The following SPMIP2 variants were observed in gnomAD, a reference collection of about 807,000 sequenced individuals.
SPMIP2 encodes sperm microtubule inner protein 2, also known as protein SPMIP2.
chr4:158,917,710 C>G, the SPMIP2 span, among the ~76,000 whole-genome samples: 1 of 139,212 alleles, frequency 7.2e-6, no homozygotes, highest in East Asian at 2.2e-4. Flanking sequence ...CCTTTAATAG[C>G]ACTATTTGAC....
chr4:158,926,222 C>T, the SPMIP2 span, among the ~76,000 whole-genome samples: 1 of 151,408 alleles, frequency 6.6e-6, no homozygotes, highest in Non-Finnish European at 1.5e-5. Context: ...CTTACTTCCA[C>T]TTGCTTTGAA....
chr4:158,997,751 CA>C, the SPMIP2 span, among the ~76,000 whole-genome samples: 8 of 152,128 alleles, frequency 5.3e-5, no homozygotes, highest in African/African-American at 9.7e-5. Context: ...CTCCTGGGCC[CA>C]AATAATTCCC....
At chr4:158,977,919 T>G in the SPMIP2 span, among the ~76,000 whole-genome samples, 2 of 152,190 alleles carry the variant, frequency 1.3e-5, no homozygotes, top group Non-Finnish European at 2.9e-5. Flanking sequence ...GCCTATCTCC[T>G]TCAATTTTAC....
chr4:158,912,758 G>A, the SPMIP2 span, among the ~76,000 whole-genome samples: 2 of 152,176 alleles, frequency 1.3e-5, no homozygotes, highest in Non-Finnish European at 2.9e-5. Context: ...AAATGGATTT[G>A]TGGGACAAGT....
chr4:158,994,165 G>T, the SPMIP2 span, among the ~76,000 whole-genome samples: 2 of 152,176 alleles, frequency 1.3e-5, no homozygotes, highest in South Asian at 4.1e-4. Context: ...GAGAAGAGTT[G>T]TATCTTATTT....
chr4:158,985,687 G>T, the SPMIP2 span, among the ~76,000 whole-genome samples: 1 of 151,986 alleles, frequency 6.6e-6, no homozygotes, highest in Non-Finnish European at 1.5e-5. Flanking sequence ...ATACTGAATG[G>T]GCAAAAGCTG....
chr4:158,961,276 T>C, the SPMIP2 span, among the ~76,000 whole-genome samples: 1 of 152,122 alleles, frequency 6.6e-6, no homozygotes, highest in African/African-American at 2.4e-5. Context: ...TCCTTTTCCC[T>C]GAAGCTTCAG....
chr4:159,026,260 G>A, the SPMIP2 span: 1 of 545,704 alleles, frequency 1.8e-6, no homozygotes, highest in Non-Finnish European at 3.5e-6. Context: ...CATCATTTGT[G>A]ATGACAAAAA....
chr4:158,935,362 G>T, the SPMIP2 span, among the ~76,000 whole-genome samples: 2 of 152,142 alleles, frequency 1.3e-5, no homozygotes, highest in African/African-American at 4.8e-5. Flanking sequence ...GCAACACTGG[G>T]ACACAATGAT....
At chr4:158,941,060 A>G in the SPMIP2 span, among the ~76,000 whole-genome samples, 6 of 152,228 alleles carry the variant, frequency 3.9e-5, no homozygotes, top group Admixed American at 6.5e-5. Context: ...GTACTAGGAG[A>G]CATCACAGCT....
the SPMIP2 span, among the ~76,000 whole-genome samples, chr4:158,903,151 T>C: frequency 1.3e-5 from 2 of 152,194 alleles, no homozygotes; most frequent in African/African-American, 4.8e-5. Flanking sequence ...CTGTGGGTCA[T>C]GAAGACCATG....
At chr4:159,069,297 C>T in the SPMIP2 span, among the ~76,000 whole-genome samples, 4 of 152,200 alleles carry the variant, frequency 2.6e-5, no homozygotes, top group Admixed American at 2.0e-4. Flanking sequence ...AGTGAGACTC[C>T]GTCTCAAAAA....
chr4:159,056,920 T>C, the SPMIP2 span, among the ~76,000 whole-genome samples: 1 of 152,196 alleles, frequency 6.6e-6, no homozygotes, highest in African/African-American at 2.4e-5. Flanking sequence ...TCTAAACAGC[T>C]TTGTAAAATA....
chr4:159,003,310 CA>C, the SPMIP2 span, among the ~76,000 whole-genome samples: 1 of 152,188 alleles, frequency 6.6e-6, no homozygotes, highest in Non-Finnish European at 1.5e-5. Flanking sequence ...TAACCTTCTT[CA>C]AAATACCATC....
the SPMIP2 span, among the ~76,000 whole-genome samples, chr4:158,945,552 C>T: frequency 6.6e-6 from 1 of 152,188 alleles, no homozygotes; most frequent in East Asian, 1.9e-4. Context: ...TACTGAACAA[C>T]TACTCTCTTT....
chr4:158,943,022 A>G, the SPMIP2 span, among the ~76,000 whole-genome samples: 1 of 152,244 alleles, frequency 6.6e-6, no homozygotes, highest in Non-Finnish European at 1.5e-5. Context: ...TTGAATTAGA[A>G]TTACAAAGAA....
chr4:158,974,710 G>C, the SPMIP2 span, among the ~76,000 whole-genome samples: 2 of 152,166 alleles, frequency 1.3e-5, no homozygotes, highest in Non-Finnish European at 2.9e-5. Context: ...GTAAAACATT[G>C]ATGGGCATTT....
the SPMIP2 span, among the ~76,000 whole-genome samples, chr4:158,973,467 ATACT>A: frequency 6.6e-6 from 1 of 152,112 alleles, no homozygotes; most frequent in Admixed American, 6.6e-5. Flanking sequence ...ATTCTTATTA[ATACT>A]TATTTATAAT....
chr4:158,911,347 C>CAAATAAATAAATAAATAAATAAAT, the SPMIP2 span, among the ~76,000 whole-genome samples: 129 of 141,356 alleles, frequency 9.1e-4, no homozygotes, highest in East Asian at 1.4e-3. Context: ...GACTCCGTCT[C>CAAATAAATAAATAAATAAATAAAT]AAATAAATAA....
Sources: allele counts gnomAD v4.1 joint callset (sites outside exome capture counted in the v4.1 genomes callset), GRCh38; gene constraint gnomAD v4.1.1; transcripts MANE v1.5; gene names NCBI Gene and HGNC (gene_info 2026-07-23, HGNC 2026-07-21).